ROR2: variants seen among roughly 807,000 people sequenced by gnomAD.
ROR2 encodes ROR family WNT receptor 2.
ROR2 carries 33 observed loss-of-function variants against 74.9 expected under a neutral mutation model. The observed-to-expected ratio is 0.44, with a 90% CI of 0.33 to 0.59. ROR2 has a LOEUF of 0.59. Ranked by LOEUF, ROR2 falls within the 20% of genes least tolerant of loss-of-function variation. The pLI is 0.02. For synonymous variants in ROR2, 586 were observed against 558.7 expected (o/e 1.05, Z -0.69); for missense variants, 1,216 against 1,313.8 (o/e 0.93, Z 1.15).
intron 1 of ROR2, among the ~76,000 whole-genome samples, chr9:91,777,693 C>A (rs1038379907): frequency 2.1e-4 from 32 of 152,130 alleles, no homozygotes; most frequent in Admixed American, 6.6e-5. Context: ...CAGTCATCCC[C>A]CCGCCAACTC....
At chr9:91,941,085 C>A (rs1473151402) in intron 1 of ROR2, among the ~76,000 whole-genome samples, 2 of 151,190 alleles carry the variant, frequency 1.3e-5, no homozygotes, top group Non-Finnish European at 2.9e-5. Flanking sequence ...GCAAGCTCCG[C>A]CTCCTGGGTT....
intron 1 of ROR2, among the ~76,000 whole-genome samples, chr9:91,919,926 A>AT (rs920912191): frequency 2.0e-5 from 3 of 152,194 alleles, no homozygotes; most frequent in African/African-American, 7.2e-5. Flanking sequence ...TTTCAGAAAT[A>AT]TTTTGAACAG....
At chr9:91,925,466 ATG>A (rs35012954) in intron 1 of ROR2, among the ~76,000 whole-genome samples, 28,722 of 144,210 alleles carry the variant, frequency 0.2, 3,024 homozygotes, top group Admixed American at 0.27. Flanking sequence ...AGCTGCCTGT[ATG>A]TGTGTGTGTG....
At chr9:91,901,346 G>GTAGTGA (rs1830673060) in intron 1 of ROR2, among the ~76,000 whole-genome samples, 1 of 152,156 alleles carries the variant, frequency 6.6e-6, no homozygotes, top group Non-Finnish European at 1.5e-5. Flanking sequence ...TAACTAGGAG[G>GTAGTGA]TAGTGATAGT....
chr9:91,750,284 G>A (rs760529383), intron 4 of ROR2, among the ~76,000 whole-genome samples: 1 of 152,168 alleles, frequency 6.6e-6, no homozygotes, highest in Non-Finnish European at 1.5e-5. Context: ...ATAATGTCAC[G>A]ACAAACACTG....
chr9:91,736,630 G>A (rs1034720971), intron 5 of ROR2, among the ~76,000 whole-genome samples: 11 of 152,228 alleles, frequency 7.2e-5, no homozygotes, highest in African/African-American at 2.4e-4. Flanking sequence ...GAGACAGCAG[G>A]AGGAGGGCTC....
intron 1 of ROR2, among the ~76,000 whole-genome samples, chr9:91,948,255 T>C (rs1279988761): frequency 1.2e-4 from 19 of 152,208 alleles, no homozygotes; most frequent in Non-Finnish European, 2.6e-4. Flanking sequence ...GGCAGAGTTT[T>C]TGTAGGACAA....
At chr9:91,819,490 G>A (rs551793826) in intron 1 of ROR2, among the ~76,000 whole-genome samples, 2 of 152,162 alleles carry the variant, frequency 1.3e-5, no homozygotes, top group South Asian at 2.1e-4. Context: ...GTATCTTTGT[G>A]TCTCTGCGTG....
chr9:91,870,343 T>C (rs1829760792), intron 1 of ROR2, among the ~76,000 whole-genome samples: 1 of 152,126 alleles, frequency 6.6e-6, no homozygotes, highest in Non-Finnish European at 1.5e-5. Flanking sequence ...CCAAGGAAAC[T>C]CCTTCGTACG....
intron 7 of ROR2, among the ~76,000 whole-genome samples, chr9:91,729,456 C>A (rs1439605814): frequency 6.6e-6 from 1 of 152,212 alleles, no homozygotes; most frequent in Non-Finnish European, 1.5e-5. Flanking sequence ...TGTGTCTGAT[C>A]TGCTGAGCCA....
intron 1 of ROR2, among the ~76,000 whole-genome samples, chr9:91,830,814 G>A (rs1376378432): frequency 3.4e-5 from 3 of 88,856 alleles, no homozygotes; most frequent in Non-Finnish European, 6.1e-5. Context: ...GTGTCCGTGT[G>A]TGTGTGTGTG....
intron 6 of ROR2, among the ~76,000 whole-genome samples, chr9:91,731,671 C>T (rs965261449): frequency 2.6e-5 from 4 of 152,070 alleles, no homozygotes; most frequent in Admixed American, 2.0e-4. Context: ...GCTGGGGCAC[C>T]GTGGCTAACA....
At chr9:91,936,908 T>C (rs1233617940) in intron 1 of ROR2, among the ~76,000 whole-genome samples, 1 of 149,274 alleles carries the variant, frequency 6.7e-6, no homozygotes, top group African/African-American at 2.5e-5. Flanking sequence ...CGGGCGCCTG[T>C]AGTCCCAGCT....
rs553450063 is a variant in ROR2, at chr9:91,913,984, G to A, written c.97+35883C>T. On this transcript the variant is annotated intron_variant, in intron 1 of 8. Coordinates refer to ENST00000375708, the MANE Select transcript of ROR2 (RefSeq NM_004560.4). Reference sequence around the variant, plus strand: ...TTGCATGAATATTAACTTTTTTAATGTTAAAAAAGACTTTTACAAAATAAG... The same window carrying A: ...TTGCATGAATATTAACTTTTTTAATATTAAAAAAGACTTTTACAAAATAAG... 2.6e-4 allele frequency among the ~76,000 whole-genome samples: 40 copies of A among 152,176 alleles called. 1 individual carries two copies. Among genetic ancestry groups the A allele is most frequent in the Admixed American group, 2.6e-3 (39 of 15,292 alleles).
chr9:91,781,523 CAGG>C (rs762215628), intron 1 of ROR2, among the ~76,000 whole-genome samples: 1 of 152,188 alleles, frequency 6.6e-6, no homozygotes, highest in African/African-American at 2.4e-5. Flanking sequence ...GGACCTGGGT[CAGG>C]AGAAGTATGT....
intron 1 of ROR2, chr9:91,948,473 G>T: frequency 1.5e-6 from 1 of 674,588 alleles, no homozygotes; most frequent in Non-Finnish European, 1.8e-6. Context: ...AGCGGTTTAT[G>T]CTTTAATGCA....
intron 1 of ROR2, among the ~76,000 whole-genome samples, chr9:91,799,586 C>A (rs1024047871): frequency 6.6e-6 from 1 of 152,196 alleles, no homozygotes; most frequent in African/African-American, 2.4e-5. Flanking sequence ...GCAGAGCCTG[C>A]CTCTGCCACC....
Position 91,825,185 on chromosome 9 carries a change from C to T in ROR2, c.98-49367G>A, listed in dbSNP as rs147942549. Among the ~76,000 whole-genome samples the T allele has an allele frequency of 3.8e-3, 574 of 152,310 alleles. 2 individuals are homozygous for T. The highest frequency in any genetic ancestry group is 0.011 in the African/African-American group (476 of 41,568). ...AAAGCAAGGCGCCCCTCCCAGGATA[C>T]GTAAGAAAGCCTTCGGTAATCAGGG... On this transcript the variant is annotated intron_variant, in intron 1 of 8. Coordinates refer to ENST00000375708, the MANE Select transcript of ROR2 (RefSeq NM_004560.4).
intron 1 of ROR2, among the ~76,000 whole-genome samples, chr9:91,783,496 C>T (rs1004120876): frequency 6.6e-6 from 1 of 152,064 alleles, no homozygotes. Context: ...GCCCCAAACC[C>T]CTCCCTTCTG....
Sources: gnomAD v4.1 joint callset for allele counts (sites outside exome capture counted in the v4.1 genomes callset) on GRCh38, gnomAD v4.1.1 for gene constraint, MANE v1.5 for transcripts, NCBI Gene and HGNC (gene_info 2026-07-23, HGNC 2026-07-21) for gene names.